HERC2: variants seen among roughly 807,000 people sequenced by gnomAD.
HERC2 encodes the protein E3 ubiquitin-protein ligase HERC2.
In HERC2, 102 loss-of-function variants were observed where a neutral mutation model predicts 537.7. The ratio of observed to expected loss-of-function variants is 0.19; its 90% CI spans 0.16 to 0.22. HERC2 has a LOEUF of 0.22. Ranked by LOEUF, HERC2 falls within the 10% of genes least tolerant of loss-of-function variation. The pLI, the probability that HERC2 is intolerant of heterozygous loss-of-function variation, is 1.00. For synonymous variants in HERC2, 2,224 were observed against 2,466.2 expected, an observed-to-expected ratio of 0.90 and a Z score of 2.91; for missense variants, 4,236 against 6,198.2, an observed-to-expected ratio of 0.68 and a Z score of 10.63.
chr15:28,163,283 A>T lies in HERC2; in HGVS notation c.10557T>A (p.Asp3519Glu), dbSNP rs758680377. The change falls in exon 69 of 93, where the codon GAT becomes GAA. Residue 3519 changes from aspartate (D) to glutamate (E), a missense_variant and splice_region_variant. Transcript: ENST00000261609. Reference protein sequence around the residue: ...IAETMTKTKEDVESQNKAAGP... With the variant: ...IAETMTKTKEEVESQNKAAGP... ...CTGCTGCTTTATTTTGGCTTTCAAC[A>T]TCCTAAGTCAAATGACATCCAACAA... 6.2e-7 allele frequency: 1 copy of T among 1,611,586 alleles called. No individual in the cohort carries two copies. Among genetic ancestry groups the T allele is most frequent in the Non-Finnish European group, 8.5e-7 (1 of 1,179,524 alleles).
intron 2 of HERC2, among the ~76,000 whole-genome samples, chr15:28,316,882 T>C (rs1263598973): frequency 1.3e-5 from 2 of 152,066 alleles, no homozygotes; most frequent in African/African-American, 4.8e-5. Context: ...GTTCAAGCGA[T>C]TCTCCTGCCT....
At chr15:28,307,782 T>C (rs1465412763) in intron 2 of HERC2, among the ~76,000 whole-genome samples, 2 of 152,260 alleles carry the variant, frequency 1.3e-5, no homozygotes, top group Admixed American at 1.3e-4. Context: ...AATATCAAGT[T>C]TTCCCAGCAC....
At chr15:28,116,586 C>T in intron 88 of HERC2, 79 bp downstream of exon 88, 2 of 1,322,896 alleles carry the variant, frequency 1.5e-6, no homozygotes, top group Non-Finnish European at 2.1e-6. Flanking sequence ...TACTGTCACT[C>T]CTCAAACAGA....
intron 69 of HERC2, among the ~76,000 whole-genome samples, chr15:28,153,799 C>T (rs1475060332): frequency 1.3e-5 from 2 of 152,048 alleles, no homozygotes; most frequent in South Asian, 4.2e-4. Flanking sequence ...AAGTTGGCCT[C>T]GGAAACAAAA....
At position 28,111,793 on chromosome 15, in the gene HERC2, G is replaced by C. The variant is rs1221415013; in HGVS notation, c.14475C>G (p.Asp4825Glu). ...DNEDVDSFAS[D>E]STQDYLTGH is the part of the protein sequence containing the mutation. ...GTCCTGTTAAATAATCTTGTGTAGA[G>C]TCCGAAGCAAAGGAGTCGACATCCT... Residue 4825 changes from aspartate to glutamate, a missense_variant, in exon 93 of 93, where the codon GAC (aspartate) becomes GAG (glutamate). Physicochemically the swap from Asp to Glu is conservative, Grantham distance 45. Transcript: ENST00000261609. The C allele has an allele frequency of 6.2e-7, 1 of 1,614,144 alleles. No homozygotes were observed. The highest frequency in any genetic ancestry group is 8.5e-7 in the Non-Finnish European group (1 of 1,180,038).
Position 28,274,282 on chromosome 15 carries a change from A to G in HERC2, c.800+9T>C. On this transcript the variant is annotated intron_variant, in intron 7 of 92. Transcript: ENST00000261609. ...CTGCGTGCAGAAGGCAAGAAAGGAA[A>G]GAACTCACCCCGTCACGACGGACCT... 1 of 1,613,950 alleles carries G rather than the reference A, an allele frequency of 6.2e-7. No individual in the cohort carries two copies. The highest frequency in any genetic ancestry group is 8.5e-7 in the Non-Finnish European group (1 of 1,179,858).
chr15:28,145,945 C>T (rs1891688474), intron 71 of HERC2, among the ~76,000 whole-genome samples: 1 of 152,184 alleles, frequency 6.6e-6, no homozygotes, highest in Non-Finnish European at 1.5e-5. Context: ...CCAACCATGA[C>T]CTTACACGAG....
chr15:28,116,506 C>T (rs939695583), intron 88 of HERC2, among the ~76,000 whole-genome samples, 159 bp downstream of exon 88: 3 of 152,114 alleles, frequency 2.0e-5, no homozygotes, highest in Non-Finnish European at 4.4e-5. Flanking sequence ...CGTGAGCCAC[C>T]GCGCCTCACC....
At chr15:28,318,359 G>A (rs2077145353) in intron 2 of HERC2, among the ~76,000 whole-genome samples, 1 of 152,150 alleles carries the variant, frequency 6.6e-6, no homozygotes. Flanking sequence ...GGGCGCGGTG[G>A]CTCACGCCTA....
intron 23 of HERC2, among the ~76,000 whole-genome samples, chr15:28,244,728 G>A (rs963711688): frequency 1.3e-5 from 2 of 152,150 alleles, no homozygotes; most frequent in Non-Finnish European, 1.5e-5. Flanking sequence ...GAAGAATGGT[G>A]CTCAAAGTAT....
rs928739534 is a variant in HERC2 at position 28,179,189 on chromosome 15, G to C, written c.8972C>G (p.Ala2991Gly). The change falls in exon 58 of 93, where the codon GCT (alanine) becomes GGT (glycine). Residue 2991 changes from alanine to glycine, a missense_variant. Around this residue, in one of 27 missense-constraint regions of HERC2, gnomAD observed 606 missense variants for 884.5 expected, o/e 0.69. Transcript: ENST00000261609. ...KVPSFSETLS[A>G]LNVVQVAGGS... ...ACCAGCCACCTGTACCACATTCAAAGCTGACAGTGTCTCAGAGAACGAAGG... is the reference window on the plus strand; with the variant it reads ...ACCAGCCACCTGTACCACATTCAAACCTGACAGTGTCTCAGAGAACGAAGG... 6 of 1,612,752 alleles carry C rather than the reference G, an allele frequency of 3.7e-6. No homozygotes were observed. In the Middle Eastern group the frequency reaches 5.0e-4, roughly 133 times the overall value.
At chr15:28,127,321 C>T (rs1889607830) in intron 83 of HERC2, among the ~76,000 whole-genome samples, 3 of 152,180 alleles carry the variant, frequency 2.0e-5, no homozygotes, top group African/African-American at 4.8e-5. Context: ...GCCAAGACCC[C>T]CACATGCAAG....
chr15:28,243,754 A>G lies in HERC2; in HGVS notation c.3577+2127T>C, dbSNP rs1260220185. On this transcript the variant is annotated intron_variant, in intron 23 of 92. Transcript: ENST00000261609. ...CTAGGTCTTGGCATGGAAGTGGAAC[A>G]CTGAGAATTCTCACTTTGCAGTGGA... Among the ~76,000 whole-genome samples the G allele has an allele frequency of 3.3e-5, 5 of 152,238 alleles. No homozygotes were observed. The East Asian group carries it at 9.6e-4, about 29-fold the overall frequency.
intron 70 of HERC2, among the ~76,000 whole-genome samples, chr15:28,147,611 T>C (rs1437992920): frequency 6.6e-6 from 1 of 151,336 alleles, no homozygotes; most frequent in East Asian, 1.9e-4. Flanking sequence ...TACTCCAACC[T>C]GGGCGACAAA....
intron 70 of HERC2, among the ~76,000 whole-genome samples, chr15:28,147,115 G>C (rs12898729): frequency 7.2e-6 from 1 of 138,464 alleles, no homozygotes; most frequent in African/African-American, 2.5e-5. Flanking sequence ...GTGAGACCCC[G>C]CGGTGCTCTA....
intron 34 of HERC2, 21 bp downstream of exon 34, chr15:28,229,174 T>C (rs753901440): frequency 1.3e-6 from 2 of 1,597,872 alleles, no homozygotes; most frequent in Admixed American, 1.7e-5. Context: ...TAAAATAACA[T>C]TGATACAATT....
intron 86 of HERC2, among the ~76,000 whole-genome samples, chr15:28,120,271 T>G (rs930435950): frequency 4.3e-4 from 66 of 152,176 alleles, no homozygotes; most frequent in Admixed American, 5.9e-4. Flanking sequence ...TGTGGTCACA[T>G]GAGCTGTCCA....
At chr15:28,284,919 GAAA>G (rs551327935) in intron 4 of HERC2, among the ~76,000 whole-genome samples, 409 of 32,496 alleles carry the variant, frequency 0.013, 2 homozygotes, top group African/African-American at 0.024. Flanking sequence ...CTCCGTCTCG[GAAA>G]AAAAAAAAAA....
At chr15:28,318,260 T>G (rs2077142071) in intron 2 of HERC2, among the ~76,000 whole-genome samples, 1 of 152,168 alleles carries the variant, frequency 6.6e-6, no homozygotes, top group African/African-American at 2.4e-5. Flanking sequence ...CTCTTAGCTC[T>G]GTAACGTATT....
Sources: allele counts gnomAD v4.1 joint callset (sites outside exome capture counted in the v4.1 genomes callset), GRCh38; gene constraint gnomAD v4.1.1; regional missense constraint gnomAD v4.1.1; transcripts MANE v1.5; gene names NCBI Gene and HGNC (gene_info 2026-07-23, HGNC 2026-07-21).